Variants in PUDP observed in about 807,000 individuals in gnomAD.
PUDP encodes the protein pseudouridine 5'-phosphatase.
A neutral mutation model predicts 9.4 loss-of-function variants in PUDP; 8 were observed. The observed-to-expected ratio is 0.85, with a 90% CI of 0.50 to 1.53. The LOEUF is 1.53. Ranked by LOEUF, PUDP falls within the 40% of genes most tolerant of loss-of-function variation. The pLI is 0.00. For synonymous variants in PUDP, 99 were observed against 80.7 expected (o/e 1.23, Z -1.22); for missense variants, 188 against 189.7 (o/e 0.99, Z 0.05).
intron 3 of PUDP, among the ~76,000 whole-genome samples, chrX:6,926,922 CTTT>C (rs61299123): frequency 1.5e-5 from 1 of 66,855 alleles, no homozygotes; most frequent in Non-Finnish European, 2.7e-5. Context: ...GAGACAATTC[CTTT>C]TTTTTTTTTT....
intron 1 of PUDP, among the ~76,000 whole-genome samples, chrX:7,120,083 A>G (rs62590084): frequency 0.13 from 14,941 of 111,323 alleles, 919 homozygotes; most frequent in Middle Eastern, 0.19. Flanking sequence ...CAGACACCCA[A>G]AGGACTCGTA....
chrX:6,900,350 C>T (rs1927660022), intron 3 of PUDP, among the ~76,000 whole-genome samples: 1 of 102,608 alleles, frequency 9.7e-6, no homozygotes, highest in African/African-American at 3.6e-5. Flanking sequence ...CTGCTACTGG[C>T]ATCTGGTGGG....
intron 3 of PUDP, among the ~76,000 whole-genome samples, chrX:6,733,299 T>C (rs1464670372): frequency 9.0e-6 from 1 of 111,251 alleles, no homozygotes; most frequent in African/African-American, 3.3e-5. Context: ...TTCGTCCCGG[T>C]GAAGACCAGA....
chrX:7,126,296 T>A (rs2146921496), intron 1 of PUDP, among the ~76,000 whole-genome samples: 1 of 110,963 alleles, frequency 9.0e-6, no homozygotes, highest in Admixed American at 9.6e-5. Context: ...TGGAGAAACT[T>A]CTCTGGTGAT....
chrX:7,041,607 T>C (rs769194495), intron 1 of PUDP, among the ~76,000 whole-genome samples: 201 of 112,210 alleles, frequency 1.8e-3, no homozygotes, highest in African/African-American at 5.4e-3. Context: ...GAATCCCTCA[T>C]GTCACAGCAA....
At chrX:6,869,580 C>T (rs1341020223) in intron 3 of PUDP, among the ~76,000 whole-genome samples, 1 of 111,490 alleles carries the variant, frequency 9.0e-6, no homozygotes, top group Non-Finnish European at 1.9e-5. Context: ...TGTCAGCAAA[C>T]AAGGGAGAGC....
chrX:7,060,594 T>C (rs1930373024), intron 3 of PUDP, among the ~76,000 whole-genome samples: 1 of 112,135 alleles, frequency 8.9e-6, no homozygotes, highest in African/African-American at 3.2e-5. Context: ...GACACCTATC[T>C]TCAGAGCAAA....
intron 3 of PUDP, among the ~76,000 whole-genome samples, chrX:6,813,963 G>A (rs1926185675): frequency 9.0e-6 from 1 of 111,482 alleles, no homozygotes; most frequent in Non-Finnish European, 1.9e-5. Context: ...ATCAAAGGCA[G>A]GAGTGAAACG....
chrX:7,118,615 C>T (rs1268123054), intron 1 of PUDP, among the ~76,000 whole-genome samples: 2 of 112,007 alleles, frequency 1.8e-5, no homozygotes, highest in African/African-American at 6.5e-5. Context: ...AGAATCCAAA[C>T]GAACCTAAAA....
intron 3 of PUDP, among the ~76,000 whole-genome samples, chrX:6,761,046 G>T (rs866984228): frequency 4.2e-5 from 4 of 95,360 alleles, no homozygotes; most frequent in Non-Finnish European, 8.9e-5. Flanking sequence ...TTGTTTGTTT[G>T]TTTTTTCCAG....
chrX:7,058,541 AGGG>A (rs1930311119), intron 3 of PUDP, among the ~76,000 whole-genome samples: 1 of 112,226 alleles, frequency 8.9e-6, no homozygotes, highest in African/African-American at 3.2e-5. Flanking sequence ...CAAAACTTCA[AGGG>A]GGCCTTAAAC....
chrX:6,793,755 GA>G (rs758343664), intron 3 of PUDP, among the ~76,000 whole-genome samples: 8 of 110,673 alleles, frequency 7.2e-5, no homozygotes, highest in Non-Finnish European at 1.3e-4. Flanking sequence ...ACTGAGGCAA[GA>G]AAAGACGGTA....
At chrX:6,986,218 C>G (rs1929101143) in intron 1 of PUDP, among the ~76,000 whole-genome samples, 1 of 112,139 alleles carries the variant, frequency 8.9e-6, no homozygotes. Context: ...AGTAGCCATT[C>G]TTTTATTCCT....
intron 2 of PUDP, among the ~76,000 whole-genome samples, chrX:7,086,329 T>TA (rs1195534364): frequency 9.8e-5 from 11 of 112,793 alleles, no homozygotes; most frequent in African/African-American, 3.5e-4. Context: ...TTCATATATA[T>TA]AGTTTTAAAA....
chrX:6,977,073 CAT>C (rs1569134158), intron 3 of PUDP, among the ~76,000 whole-genome samples: 1 of 112,265 alleles, frequency 8.9e-6, no homozygotes, highest in Non-Finnish European at 1.9e-5. Context: ...ACTCTTCCCA[CAT>C]GTTTTACTAA....
chrX:7,128,337 C>G (rs1330200934), intron 1 of PUDP, among the ~76,000 whole-genome samples: 3 of 111,859 alleles, frequency 2.7e-5, no homozygotes, highest in African/African-American at 9.8e-5. Flanking sequence ...CCACCACGCC[C>G]GGCCAACATT....
intron 1 of PUDP, among the ~76,000 whole-genome samples, chrX:7,130,623 G>A (rs192064715): frequency 1.8e-5 from 2 of 111,026 alleles, no homozygotes; most frequent in East Asian, 5.7e-4. Flanking sequence ...AGACCAGCTT[G>A]GGCAACATGG....
chrX:6,738,240 G>A (rs1236285834), intron 3 of PUDP, among the ~76,000 whole-genome samples: 2 of 111,912 alleles, frequency 1.8e-5, no homozygotes, highest in African/African-American at 6.5e-5. Context: ...TTCTAGAACT[G>A]AGGACAATTC....
chrX:6,729,476 T>C lies in PUDP; in HGVS notation c.*248-23010A>G, dbSNP rs150155759. Reference sequence around the variant, plus strand: ...GTTGTCAGGACCTCCTGAGGCTGTGTCACGGACACGTGTCCTCAACATTGA... The same window carrying C: ...GTTGTCAGGACCTCCTGAGGCTGTGCCACGGACACGTGTCCTCAACATTGA... On this transcript the variant is annotated intron_variant and NMD_transcript_variant, in intron 3 of 3. Coordinates refer to the PUDP transcript ENST00000655425. 3.2e-3 allele frequency among the ~76,000 whole-genome samples: 361 copies of C among 112,354 alleles called. 3 individuals are homozygous for C. The highest frequency in any genetic ancestry group is 0.011 in the African/African-American group (352 of 30,965).
Sources: allele counts gnomAD v4.1 joint callset (sites outside exome capture counted in the v4.1 genomes callset), GRCh38; gene constraint gnomAD v4.1.1; transcripts MANE v1.5; gene names NCBI Gene and HGNC (gene_info 2026-07-23, HGNC 2026-07-21).